Variants in PDE1C observed in about 807,000 individuals in gnomAD.
PDE1C encodes dual specificity calcium/calmodulin-dependent 3',5'-cyclic nucleotide phosphodiesterase 1C.
In PDE1C, 62 loss-of-function variants were observed where a neutral mutation model predicts 93.1. That is an observed-to-expected ratio of 0.67 (90% CI 0.54 to 0.82). The LOEUF (loss-of-function observed/expected upper bound fraction) is 0.82. PDE1C is among the 40% of genes least tolerant of loss of function. The pLI, the probability that PDE1C is intolerant of heterozygous loss-of-function variation, is 0.00. For synonymous variants in PDE1C, 325 were observed against 310.1 expected (o/e 1.05, Z -0.50); for missense variants, 742 against 884.6 (o/e 0.84, Z 2.04).
At chr7:31,832,375 T>G (rs1022581135) in intron 11 of PDE1C, among the ~76,000 whole-genome samples, 3 of 152,222 alleles carry the variant, frequency 2.0e-5, no homozygotes, top group East Asian at 3.8e-4. Context: ...AAAAGTACCC[T>G]GAGGCAGTGG....
At chr7:32,117,383 C>T (rs1799042006) in intron 3 of PDE1C, among the ~76,000 whole-genome samples, 1 of 152,170 alleles carries the variant, frequency 6.6e-6, no homozygotes, top group South Asian at 2.1e-4. Flanking sequence ...CCTTCTGGGC[C>T]TCAGGGCCTA....
rs1394631852 is a variant in PDE1C at position 31,763,308 on chromosome 7, ACT to A, written c.1961-9757_1961-9756del. ...TTAACCCATGGTATGAGAGAAAATT[ACT>A]CTCTTACCATGGGCATTAGATGTAG... On this transcript the variant is annotated intron_variant, in intron 17 of 17. Coordinates refer to ENST00000396191, the MANE Select transcript of PDE1C (RefSeq NM_001191057.4). 3.3e-5 allele frequency among the ~76,000 whole-genome samples: 5 copies of A among 152,006 alleles called. No homozygotes were observed. The East Asian group carries it at 9.7e-4, about 30-fold the overall frequency.
intron 2 of PDE1C, among the ~76,000 whole-genome samples, chr7:31,899,178 G>A (rs1489715593): frequency 8.0e-6 from 1 of 125,560 alleles, no homozygotes; most frequent in Non-Finnish European, 1.6e-5. Context: ...TTGCTCTGTC[G>A]CCCAGGCTGC....
intron 1 of PDE1C, among the ~76,000 whole-genome samples, chr7:32,375,517 T>C (rs1456113562): frequency 6.6e-6 from 1 of 152,216 alleles, no homozygotes; most frequent in Non-Finnish European, 1.5e-5. Context: ...GTGGTGGTGG[T>C]ATATCAACAA....
At chr7:32,415,171 T>C (rs215746) in intron 1 of PDE1C, among the ~76,000 whole-genome samples, 112,701 of 152,110 alleles carry the variant, frequency 0.74, 42,281 homozygotes, top group African/African-American at 0.85. Context: ...ATAAATATGG[T>C]TGGACACAGT....
chr7:32,221,543 A>G (rs1029642721), intron 1 of PDE1C, among the ~76,000 whole-genome samples: 27 of 152,268 alleles, frequency 1.8e-4, no homozygotes, highest in African/African-American at 6.3e-4. Flanking sequence ...GAGAGTCTGC[A>G]TTTCGAACAA....
chr7:32,417,998 G>T (rs1438104608), intron 1 of PDE1C, among the ~76,000 whole-genome samples: 1 of 151,956 alleles, frequency 6.6e-6, no homozygotes, highest in Admixed American at 6.6e-5. Context: ...GTTTTGTTTT[G>T]GTTTGGTTTT....
intron 2 of PDE1C, among the ~76,000 whole-genome samples, chr7:32,019,016 A>T (rs1258064873): frequency 6.6e-6 from 1 of 151,868 alleles, no homozygotes; most frequent in Admixed American, 6.6e-5. Context: ...CCATGCCCTG[A>T]CTGATACATT....
chr7:32,299,073 G>A (rs1351241113), exon 1 of PDE1C: 1 of 1,099,076 alleles, frequency 9.1e-7, no homozygotes, highest in African/African-American at 1.7e-5. Context: ...GGAGATCCCT[G>A]CCTGGCCACG....
chr7:32,068,424 A>G (rs1795653609), intron 1 of PDE1C, among the ~76,000 whole-genome samples: 1 of 152,242 alleles, frequency 6.6e-6, no homozygotes, highest in Non-Finnish European at 1.5e-5. Flanking sequence ...AGAAGTGGTA[A>G]GGATCACATA....
chr7:32,359,599 C>A (rs1784097010), intron 1 of PDE1C, among the ~76,000 whole-genome samples: 3 of 152,226 alleles, frequency 2.0e-5, no homozygotes, highest in African/African-American at 7.2e-5. Context: ...ACGCATGAAT[C>A]CAGCTCCAAA....
chr7:31,753,434 T>C lies in PDE1C; in HGVS notation c.2080A>G (p.Ile694Val), dbSNP rs1794235249. 6 of 1,612,564 alleles carry C rather than the reference T, an allele frequency of 3.7e-6. No homozygotes were observed. Among genetic ancestry groups the C allele is most frequent in the East Asian group, 4.5e-5 (2 of 44,860 alleles). Residue 694 changes from isoleucine (I) to valine (V), a missense_variant, in exon 18 of 18, where the codon ATC (isoleucine) becomes GTC (valine). Transcript: ENST00000396191. ...ATGTTCTGAATCTTTTTCATTTTGATCCTCTGATCCAGCATCTTGTACCTT... is the reference window on the plus strand; with the variant it reads ...ATGTTCTGAATCTTTTTCATTTTGACCCTCTGATCCAGCATCTTGTACCTT... ...PARYKMLDQR[I>V]KMKKIQNISH...
intron 3 of PDE1C, among the ~76,000 whole-genome samples, chr7:32,124,473 C>A (rs977553870): frequency 6.6e-6 from 1 of 152,144 alleles, no homozygotes; most frequent in African/African-American, 2.4e-5. Context: ...GCTACAGTAA[C>A]CAAAACAGCA....
intron 3 of PDE1C, among the ~76,000 whole-genome samples, chr7:32,084,162 C>A (rs543909666): frequency 6.6e-6 from 1 of 151,844 alleles, no homozygotes; most frequent in East Asian, 1.9e-4. Context: ...GGAAGATCTA[C>A]CAAGCAAATG....
intron 1 of PDE1C, among the ~76,000 whole-genome samples, chr7:32,417,558 C>T (rs1020400640): frequency 6.6e-6 from 1 of 151,790 alleles, no homozygotes; most frequent in Non-Finnish European, 1.5e-5. Context: ...TGGGCAGAGC[C>T]CAGATTCTAA....
chr7:31,966,730 G>A (rs1223116337), intron 2 of PDE1C, among the ~76,000 whole-genome samples: 1 of 152,180 alleles, frequency 6.6e-6, no homozygotes, highest in African/African-American at 2.4e-5. Context: ...CTCAGCAAAT[G>A]TGAAAGAACA....
At chr7:31,747,857 CA>C (rs3078522), downstream of PDE1C, among the ~76,000 whole-genome samples, 191 of 134,154 alleles carry the variant, frequency 1.4e-3, no homozygotes, top group African/African-American at 5.0e-3. Context: ...CAAAACATCT[CA>C]AAAAAAAAAA....
At chr7:32,103,387 T>A (rs890250654) in intron 3 of PDE1C, among the ~76,000 whole-genome samples, 3 of 151,978 alleles carry the variant, frequency 2.0e-5, no homozygotes, top group East Asian at 1.9e-4. Context: ...GGGGTGAGGA[T>A]GGACTGGAGG....
chr7:31,749,372 C>A (rs1033960961), downstream of PDE1C, among the ~76,000 whole-genome samples: 1 of 152,006 alleles, frequency 6.6e-6, no homozygotes, highest in Non-Finnish European at 1.5e-5. Flanking sequence ...ATTGGTCTTG[C>A]CCTAAGGATT....
Sources: allele counts gnomAD v4.1 joint callset (sites outside exome capture counted in the v4.1 genomes callset), GRCh38; gene constraint gnomAD v4.1.1; transcripts MANE v1.5; gene names NCBI Gene and HGNC (gene_info 2026-07-23, HGNC 2026-07-21).